Variants in PLCE1 observed in about 807,000 individuals in gnomAD.
PLCE1 encodes the protein phospholipase C epsilon 1, also known as 1-phosphatidylinositol 4,5-bisphosphate phosphodiesterase epsilon-1.
A neutral mutation model predicts 242.8 loss-of-function variants in PLCE1; 119 were observed. The observed-to-expected ratio is 0.49, with a 90% CI of 0.42 to 0.57. PLCE1 has a LOEUF of 0.57. Ranked by LOEUF, PLCE1 falls within the 20% of genes least tolerant of loss-of-function variation. The probability of loss-of-function intolerance (pLI) is 0.00; values close to 1 mark genes in which losing one functional copy is unlikely to be tolerated. For missense variants in PLCE1, 2,441 were observed against 2,788.8 expected (o/e 0.88, Z 2.81); for synonymous variants, 945 against 1,017.4 (o/e 0.93, Z 1.35).
chr10:94,063,452 T>A (rs2044116291), intron 2 of PLCE1, among the ~76,000 whole-genome samples: 1 of 152,160 alleles, frequency 6.6e-6, no homozygotes, highest in Admixed American at 6.5e-5. Flanking sequence ...GCCTGGCACA[T>A]AGTAGGCATT....
At chr10:94,319,481 TCTGATCTCTCCTGC>T (rs1334237061) in intron 29 of PLCE1, among the ~76,000 whole-genome samples, 1 of 152,202 alleles carries the variant, frequency 6.6e-6, no homozygotes, top group African/African-American at 2.4e-5. Flanking sequence ...CTCTGTGACC[TCTGATCTCTCCTGC>T]CTTTTATAAT....
chr10:94,177,621 G>A (rs886838240), intron 4 of PLCE1, among the ~76,000 whole-genome samples: 1 of 152,070 alleles, frequency 6.6e-6, no homozygotes, highest in South Asian at 2.1e-4. Flanking sequence ...GACCACCCAC[G>A]AAATCTCTCA....
At chr10:94,275,584 C>T (rs1169693036) in intron 19 of PLCE1, among the ~76,000 whole-genome samples, 2 of 152,160 alleles carry the variant, frequency 1.3e-5, no homozygotes, top group Non-Finnish European at 2.9e-5. Context: ...GCCTGTAATC[C>T]CAGCACTTTG....
At chr10:94,272,083 A>G (rs1408382481) in intron 18 of PLCE1, among the ~76,000 whole-genome samples, 3 of 152,120 alleles carry the variant, frequency 2.0e-5, no homozygotes, top group Non-Finnish European at 4.4e-5. Context: ...AAACATATTA[A>G]CAGAAAACAG....
intron 7 of PLCE1, among the ~76,000 whole-genome samples, chr10:94,237,783 T>A (rs1564817023): frequency 6.6e-6 from 1 of 152,194 alleles, no homozygotes; most frequent in Non-Finnish European, 1.5e-5. Context: ...TCTGTGGCCA[T>A]CTGCTGGGAC....
At chr10:94,081,941 C>T (rs1321819322) in intron 2 of PLCE1, 1 of 152,184 alleles carries the variant, frequency 6.6e-6, no homozygotes, top group Admixed American at 6.5e-5. Flanking sequence ...AGAAGCACTT[C>T]CAGTGTGTCT....
At chr10:94,158,363 C>G (rs1172563953) in intron 3 of PLCE1, among the ~76,000 whole-genome samples, 1 of 152,140 alleles carries the variant, frequency 6.6e-6, no homozygotes, top group African/African-American at 2.4e-5. Context: ...AGACAACACA[C>G]TATTATAACT....
intron 2 of PLCE1, among the ~76,000 whole-genome samples, chr10:94,083,857 G>A (rs2044724748): frequency 6.6e-6 from 1 of 152,168 alleles, no homozygotes; most frequent in Non-Finnish European, 1.5e-5. Context: ...ATGATTGGCC[G>A]ACTTTTTTCT....
intron 4 of PLCE1, among the ~76,000 whole-genome samples, chr10:94,203,121 AAACTTAG>A (rs2049034624): frequency 6.6e-6 from 1 of 152,216 alleles, no homozygotes. Context: ...AGGATTTGGA[AAACTTAG>A]AACTTAGAAA....
chr10:94,051,127 T>C (rs575000416), intron 2 of PLCE1, among the ~76,000 whole-genome samples: 6 of 152,102 alleles, frequency 3.9e-5, no homozygotes, highest in African/African-American at 9.6e-5. Flanking sequence ...CAAAAAGCCA[T>C]GTGACTTAGT....
intron 2 of PLCE1, among the ~76,000 whole-genome samples, chr10:94,085,436 G>A (rs1206973931): frequency 6.6e-6 from 1 of 152,146 alleles, no homozygotes; most frequent in Non-Finnish European, 1.5e-5. Flanking sequence ...ACTGACTTGA[G>A]GAATCTGTGG....
In PLCE1 at chr10:94,216,271, C is replaced by T. The variant is rs140524972; in HGVS notation, c.1810-11035C>T. On this transcript the variant is annotated intron_variant, in intron 4 of 32. Transcript: ENST00000371380. ...CAGCACTGCCCAGTTGAGATCTCCT[C>T]GGTGAGGAGAGGTAAAGGAGCACTC... 3.9e-5 allele frequency among the ~76,000 whole-genome samples: 6 copies of T among 152,162 alleles called. No homozygotes were observed. In the South Asian group the frequency reaches 8.3e-4, roughly 21 times the overall value.
intron 2 of PLCE1, among the ~76,000 whole-genome samples, chr10:94,110,660 A>G (rs182169071): frequency 3.8e-4 from 58 of 152,338 alleles, no homozygotes; most frequent in Admixed American, 3.2e-3. Flanking sequence ...GGAAAACTAC[A>G]CAGTGGTAGT....
At chr10:94,099,936 G>A (rs942591199) in intron 2 of PLCE1, 4 of 152,070 alleles carry the variant, frequency 2.6e-5, no homozygotes, top group African/African-American at 9.7e-5. Context: ...GCCAGTGAGG[G>A]TTTAATGGTC....
intron 1 of PLCE1, among the ~76,000 whole-genome samples, chr10:94,006,784 A>T (rs999597008): frequency 6.6e-6 from 1 of 152,232 alleles, no homozygotes; most frequent in African/African-American, 2.4e-5. Flanking sequence ...AGCTGGGAAA[A>T]TAGCTGATAC....
intron 2 of PLCE1, among the ~76,000 whole-genome samples, chr10:94,116,900 G>A (rs778594541): frequency 1.3e-5 from 2 of 152,126 alleles, no homozygotes; most frequent in Non-Finnish European, 2.9e-5. Context: ...TGCAATAAAA[G>A]AAAAGACAAA....
At chr10:94,183,090 G>C (rs1163330376) in intron 4 of PLCE1, among the ~76,000 whole-genome samples, 2 of 152,196 alleles carry the variant, frequency 1.3e-5, no homozygotes, top group Non-Finnish European at 1.5e-5. Context: ...TTAGGATTTT[G>C]AGCCTCTTTT....
In PLCE1 at chr10:94,132,997, G is replaced by A. The variant is rs554142600; in HGVS notation, c.1492+538G>A. Among the ~76,000 whole-genome samples, 11 of 148,658 alleles carry A rather than the reference G, an allele frequency of 7.4e-5. No individual in the cohort carries two copies. In the East Asian group the frequency reaches 2.2e-3, roughly 29 times the overall value. ...TTTTTGAAACTTTTTTTCAAATGAA[G>A]TAAATGGTTAAAACGCTATCTTTAA... On this transcript the variant is annotated intron_variant, in intron 3 of 32. Coordinates refer to ENST00000371380, the MANE Select transcript of PLCE1 (RefSeq NM_016341.4).
intron 2 of PLCE1, among the ~76,000 whole-genome samples, chr10:94,053,521 G>A (rs1351424114): frequency 6.6e-6 from 1 of 152,172 alleles, no homozygotes; most frequent in Non-Finnish European, 1.5e-5. Flanking sequence ...TAGATTGTAA[G>A]CCTGCTGGCC....
Sources: allele counts gnomAD v4.1 joint callset (sites outside exome capture counted in the v4.1 genomes callset), GRCh38; gene constraint gnomAD v4.1.1; transcripts MANE v1.5; gene names NCBI Gene and HGNC (gene_info 2026-07-23, HGNC 2026-07-21).